INSRR: variants seen among roughly 807,000 people sequenced by gnomAD.
The protein encoded by INSRR is insulin receptor related receptor.
In INSRR, 114 loss-of-function variants were observed where a neutral mutation model predicts 130.0. That is an observed-to-expected ratio of 0.88 (90% CI 0.75 to 1.02). INSRR has a LOEUF of 1.02. INSRR is among the 50% of genes least tolerant of loss of function. The pLI is 0.00. For synonymous variants in INSRR, 674 were observed against 705.2 expected, an observed-to-expected ratio of 0.96 and a Z score of 0.70; for missense variants, 1,657 against 1,735.2, an observed-to-expected ratio of 0.95 and a Z score of 0.80.
rs773006653 is a variant in INSRR, at chr1:156,851,796, G to A, written c.942-8C>T. 6.2e-7 allele frequency: 1 copy of A among 1,605,198 alleles called. No individual in the cohort carries two copies. On this transcript the variant is annotated splice_polypyrimidine_tract_variant and splice_region_variant and intron_variant, in intron 3 of 21. Transcript: ENST00000368195. ...CACTTGTGGCAGAATATGCTAGCAG[G>A]AGCAAGCAGATGTCCTGAGCCTTGG...
chr1:156,845,983 G>A lies in INSRR; in HGVS notation c.1947C>T (p.Gly649=). 1 of 1,613,246 alleles carries A rather than the reference G, an allele frequency of 6.2e-7. No homozygotes were observed. The highest frequency in any genetic ancestry group is 8.5e-7 in the Non-Finnish European group (1 of 1,179,672). The change falls in exon 9 of 22, where the codon GGC becomes GGT. Residue 649 remains glycine (G), a synonymous_variant. Coordinates refer to ENST00000368195, the MANE Select transcript of INSRR (RefSeq NM_014215.3). ...GGCAGTAGTCATTGAGGTAGAGGTC[G>A]CCGTCCTCTGCCAGCCGCTGCCACA... ...LVLWQRLAED[G]DLYLNDYCHR...
In INSRR at chr1:156,849,005, G is replaced by A; in HGVS notation, c.1487C>T (p.Ala496Val). 6.2e-7 allele frequency: 1 copy of A among 1,613,356 alleles called. No homozygotes were observed. Among genetic ancestry groups the A allele is most frequent in the Non-Finnish European group, 8.5e-7 (1 of 1,179,828 alleles). ...TLRFVSNVTE[A>V]DRILLRWERY... is the part of the protein sequence containing the mutation. ...CTCCCAGCGTAGCAGGATGCGGTCT[G>A]CCTCCGTCACGTTGGACACGAAGCG... Residue 496 changes from alanine to valine, a missense_variant, in exon 7 of 22, where the codon GCA (alanine) becomes GTA (valine). Coordinates refer to ENST00000368195, the MANE Select transcript of INSRR (RefSeq NM_014215.3).
intron 7 of INSRR, 65 bp downstream of exon 7, chr1:156,848,856 G>A: frequency 6.6e-7 from 1 of 1,521,794 alleles, no homozygotes; most frequent in Non-Finnish European, 8.9e-7. Flanking sequence ...TCACCTGCCT[G>A]TGGTCCCGAA....
chr1:156,842,478 G>A lies in INSRR; in HGVS notation c.3157C>T (p.Gln1053Ter), dbSNP rs1654837428. 6.2e-7 allele frequency: 1 copy of A among 1,613,974 alleles called. No homozygotes were observed. The highest frequency in any genetic ancestry group is 1.3e-5 in the African/African-American group (1 of 74,888). ...AACTCCATGATGACCAGAGTTGGCT[G>A]GCCCTGAGATACCACACCCAGGAGA... ...VRLLGVVSQG[Q>*]PTLVIMELMT... The change falls in exon 18 of 22, where the codon CAG (glutamine) becomes TAG (stop). Residue 1053 changes from glutamine to a stop codon, truncating the protein, a stop_gained. Coordinates refer to ENST00000368195, the MANE Select transcript of INSRR (RefSeq NM_014215.3). LOFTEE classifies it high-confidence loss of function.
In INSRR at chr1:156,849,016, G is replaced by T. The variant is rs1219819533; in HGVS notation, c.1476C>A (p.Asn492Lys). The T allele has an allele frequency of 2.5e-6, 4 of 1,613,382 alleles. No homozygotes were observed. The African/African-American group carries it at 5.3e-5, about 22-fold the overall frequency. Residue 492 changes from asparagine to lysine, a missense_variant, in exon 7 of 22, where the codon AAC (asparagine) becomes AAA (lysine). Transcript: ENST00000368195. ...GCAGGATGCGGTCTGCCTCCGTCAC[G>T]TTGGACACGAAGCGCAGGGTGCGAG... ...CQTRTLRFVS[N>K]VTEADRILLR... is the part of the protein sequence containing the mutation.
chr1:156,844,755 G>A lies in INSRR; in HGVS notation c.2526C>T (p.Pro842=), dbSNP rs1432728204. Residue 842 remains proline (P), a synonymous_variant, in exon 13 of 22, where the codon CCC becomes CCT. Coordinates refer to ENST00000368195, the MANE Select transcript of INSRR (RefSeq NM_014215.3). ...VLLRWLEPPD[P]NGLILKYEIK... The stretch of plus-strand genomic sequence containing the variant: ...TTTCGTACTTGAGGATGAGTCCGTT[G>A]GGGTCTGGTGGCTCGAGCCAGCGCA... The A allele has an allele frequency of 1.4e-5, 22 of 1,614,180 alleles. No individual in the cohort carries two copies. Among genetic ancestry groups the A allele is most frequent in the Non-Finnish European group, 1.8e-5 (21 of 1,180,034 alleles).
Position 156,845,201 on chromosome 1 carries a change from C to T in INSRR, c.2312G>A (p.Arg771Gln), listed in dbSNP as rs1037697690. The T allele has an allele frequency of 1.9e-6, 3 of 1,609,418 alleles. No individual in the cohort carries two copies. Among genetic ancestry groups the T allele is most frequent in the Non-Finnish European group, 2.5e-6 (3 of 1,178,216 alleles). The change falls in exon 12 of 22, where the codon CGA becomes CAA. Residue 771 changes from arginine (R) to glutamine (Q), a missense_variant. Coordinates refer to ENST00000368195, the MANE Select transcript of INSRR (RefSeq NM_014215.3). Reference sequence around the variant, plus strand: ...GTGGCGCAGGCCGCTCAGCACCGCTCGCTCACGGGGCACCTTGTCCTCCTG... The same window carrying T: ...GTGGCGCAGGCCGCTCAGCACCGCTTGCTCACGGGGCACCTTGTCCTCCTG... The part of the protein sequence containing the change: ...EIQEDKVPRE[R>Q]AVLSGLRHFT...
At position 156,851,701 on chromosome 1, in the gene INSRR, A is replaced by T. The variant is rs751727759; in HGVS notation, c.1029T>A (p.Asp343Glu). The T allele has an allele frequency of 3.2e-5, 51 of 1,614,042 alleles. No homozygotes were observed. The South Asian group carries it at 5.2e-4, about 16-fold the overall frequency. The change falls in exon 4 of 22, where the codon GAT becomes GAA. Residue 343 changes from aspartate (D) to glutamate (E), a missense_variant. Transcript: ENST00000368195. ...KTIDSIQAAQ[D>E]LVGCTHVEGS... ...CCTCCACATGCGTGCAGCCCACAAG[A>T]TCCTGTGCCGCCTGGATGGAGTCGA...
chr1:156,857,157 CTGTGTATGTGTG>C (rs1415827384), intron 1 of INSRR, among the ~76,000 whole-genome samples: 33 of 121,390 alleles, frequency 2.7e-4, no homozygotes, highest in East Asian at 9.2e-4. Flanking sequence ...TGCCCAGCAG[CTGTGTATGTGTG>C]TGTGTGTGTG....
chr1:156,851,533 G>A, intron 4 of INSRR, 99 bp from the exon 5 acceptor site: 2 of 1,600,210 alleles, frequency 1.2e-6, no homozygotes, highest in Non-Finnish European at 1.7e-6. Flanking sequence ...GGGCCCTCAG[G>A]ACTGGGACCC....
chr1:156,858,436 T>C, intron 1 of INSRR, 101 bp downstream of exon 1: 3 of 854,198 alleles, frequency 3.5e-6, no homozygotes, highest in Non-Finnish European at 6.1e-6. Flanking sequence ...CATGTTCCAG[T>C]GCAGAGTAAG....
chr1:156,845,195 A>C lies in INSRR; in HGVS notation c.2318T>G (p.Val773Gly). 1 of 1,609,844 alleles carries C rather than the reference A, an allele frequency of 6.2e-7. No homozygotes were observed. Among genetic ancestry groups the C allele is most frequent in the Non-Finnish European group, 8.5e-7 (1 of 1,178,396 alleles). ...CGTGAAGTGGCGCAGGCCGCTCAGC[A>C]CCGCTCGCTCACGGGGCACCTTGTC... ...QEDKVPRERA[V>G]LSGLRHFTEY... is the part of the protein sequence containing the mutation. Residue 773 changes from valine (V) to glycine (G), a missense_variant, in exon 12 of 22, where the codon GTG becomes GGG. Val to Gly is a moderately radical substitution (Grantham distance 109). Transcript: ENST00000368195.
At position 156,858,766 on chromosome 1, in the gene INSRR, G is replaced by A. The variant is rs1655501936; in HGVS notation, c.-145C>T. 3.1e-6 allele frequency: 2 copies of A among 643,328 alleles called. No homozygotes were observed. Among genetic ancestry groups the A allele is most frequent in the African/African-American group, 1.8e-5 (1 of 54,848 alleles). 39.9% of individuals were successfully genotyped at this position (643,328 alleles called of 1,614,324 possible). On this transcript the variant is annotated 5_prime_UTR_variant, in exon 1 of 22. Coordinates refer to ENST00000368195, the MANE Select transcript of INSRR (RefSeq NM_014215.3). ...GCAGAGAGACAAGGAATCCCACACA[G>A]AGACAGCAGGAGACAGAAAAAAAGA...
At position 156,854,193 on chromosome 1, in the gene INSRR, C is replaced by A; in HGVS notation, c.196G>T (p.Glu66Ter). Residue 66 changes from glutamate (E) to a stop codon, truncating the protein, a stop_gained, in exon 2 of 22, where the codon GAG (glutamate) becomes TAG (stop). Transcript: ENST00000368195. LOFTEE classifies it high-confidence loss of function. The surrounding 1 kb of genome is among the most constrained non-coding windows in gnomAD (Gnocchi z 4.2). ...QILLMFTATG[E>*]DFRGLSFPRL... Reference sequence around the variant, plus strand: ...GGGAAGCTGAGGCCGCGGAAGTCCTCCCCGGTGGCTGTGAACATGAGCAGG... The same window carrying A: ...GGGAAGCTGAGGCCGCGGAAGTCCTACCCGGTGGCTGTGAACATGAGCAGG... The A allele has an allele frequency of 6.2e-7, 1 of 1,614,092 alleles. No homozygotes were observed.
At chr1:156,849,576 C>T (rs925691414) in intron 5 of INSRR, 116 bp from the exon 6 acceptor site, 28 of 719,184 alleles carry the variant, frequency 3.9e-5, no homozygotes, top group Middle Eastern at 3.8e-4. Flanking sequence ...GAGGGGCACT[C>T]AGTGGCTGGC....
Position 156,851,396 on chromosome 1 carries a change from C to G in INSRR, c.1123G>C (p.Val375Leu). Residue 375 changes from valine (V) to leucine (L), a missense_variant, in exon 5 of 22, where the codon GTA becomes CTA. Transcript: ENST00000368195. ...TTGAGGAAGCCAGTAATGGTTTCTA[C>G]CAGCCCCAGGCTGTGCTGCAGCTGT... ...EPQLQHSLGL[V>L]ETITGFLKIK... 1 of 1,614,180 alleles carries G rather than the reference C, an allele frequency of 6.2e-7. No homozygotes were observed. Among genetic ancestry groups the G allele is most frequent in the East Asian group, 2.2e-5 (1 of 44,884 alleles).
Position 156,853,943 on chromosome 1 carries a change from T to C in INSRR, c.446A>G (p.His149Arg). Residue 149 changes from histidine (H) to arginine (R), a missense_variant, in exon 2 of 22, where the codon CAC becomes CGC. His to Arg is a conservative substitution (Grantham distance 29, BLOSUM62 0). Coordinates refer to ENST00000368195, the MANE Select transcript of INSRR (RefSeq NM_014215.3). ...CAGTCCCCAGTCAATGGTGGAGAGG[T>C]GGCAGAGCTCCTGGTTCTTCTCCAC... ...VRVEKNQELCHLSTIDWGLLQ... is the reference protein window; with the variant it reads ...VRVEKNQELCRLSTIDWGLLQ... 6.2e-7 allele frequency: 1 copy of C among 1,613,610 alleles called. No homozygotes were observed. Among genetic ancestry groups the C allele is most frequent in the Non-Finnish European group, 8.5e-7 (1 of 1,179,660 alleles).
At chr1:156,855,796 G>A (rs1353539706) in intron 1 of INSRR, among the ~76,000 whole-genome samples, 4 of 152,126 alleles carry the variant, frequency 2.6e-5, no homozygotes, top group Admixed American at 1.3e-4. Flanking sequence ...CTGCACTCCA[G>A]CCTGGGCGAC....
In INSRR at chr1:156,854,198, G is replaced by C; in HGVS notation, c.191C>G (p.Thr64Ser). ...HLQILLMFTA[T>S]GEDFRGLSFP... ...GCTGAGGCCGCGGAAGTCCTCCCCGGTGGCTGTGAACATGAGCAGGATCTG... is the reference window on the plus strand; with the variant it reads ...GCTGAGGCCGCGGAAGTCCTCCCCGCTGGCTGTGAACATGAGCAGGATCTG... Residue 64 changes from threonine to serine, a missense_variant, in exon 2 of 22, where the codon ACC becomes AGC. Physicochemically the swap from Thr to Ser is moderately conservative, Grantham distance 58. Transcript: ENST00000368195. This position sits in a 1 kb window ranked among gnomAD's most constrained non-coding sequence, Gnocchi z 4.2. 6.2e-7 allele frequency: 1 copy of C among 1,614,096 alleles called. No individual in the cohort carries two copies. Among genetic ancestry groups the C allele is most frequent in the Non-Finnish European group, 8.5e-7 (1 of 1,180,028 alleles).
Sources: gnomAD v4.1 joint callset for allele counts (sites outside exome capture counted in the v4.1 genomes callset) on GRCh38, gnomAD v4.1.1 for gene constraint, Gnocchi (gnomAD v3.1) non-coding constraint, MANE v1.5 for transcripts, NCBI Gene and HGNC (gene_info 2026-07-23, HGNC 2026-07-21) for gene names.